Variants in FOXN3 observed in about 807,000 individuals in gnomAD.
FOXN3 encodes forkhead box N3.
A neutral mutation model predicts 38.4 loss-of-function variants in FOXN3; 7 were observed. That is an observed-to-expected ratio of 0.18 (90% CI 0.10 to 0.34). The LOEUF (loss-of-function observed/expected upper bound fraction) is 0.34, where lower values mean the gene tolerates loss of function less well. Ranked by LOEUF, FOXN3 falls within the 10% of genes least tolerant of loss-of-function variation. FOXN3 has a pLI of 1.00. For missense variants in FOXN3, 456 were observed against 613.4 expected, an observed-to-expected ratio of 0.74 and a Z score of 2.71; for synonymous variants, 230 against 242.2, an observed-to-expected ratio of 0.95 and a Z score of 0.47.
chr14:89,350,645 CA>C (rs758853790), intron 3 of FOXN3, 26 bp downstream of exon 3: 291 of 1,474,630 alleles, frequency 2.0e-4, no homozygotes, highest in South Asian at 7.1e-4. Context: ...TTCAGTAGAC[CA>C]AAAAAAAGAA....
chr14:89,374,332 G>A (rs1356762923), intron 2 of FOXN3, among the ~76,000 whole-genome samples: 2 of 142,722 alleles, frequency 1.4e-5, no homozygotes, highest in African/African-American at 5.1e-5. Context: ...AGAAAAGAAT[G>A]TGAACTAGTA....
chr14:89,338,709 C>T (rs551728506), intron 3 of FOXN3, among the ~76,000 whole-genome samples: 1 of 152,228 alleles, frequency 6.6e-6, no homozygotes, highest in Non-Finnish European at 1.5e-5. Context: ...AGAAGAATCA[C>T]TTGAACCTGG....
At chr14:89,224,808 G>A (rs1436761010) in intron 4 of FOXN3, among the ~76,000 whole-genome samples, 1 of 152,098 alleles carries the variant, frequency 6.6e-6, no homozygotes, top group African/African-American at 2.4e-5. Context: ...AGACTAGCCT[G>A]GGTAACATAG....
chr14:89,375,471 A>G (rs942304794), intron 2 of FOXN3, among the ~76,000 whole-genome samples: 28 of 152,242 alleles, frequency 1.8e-4, no homozygotes, highest in Non-Finnish European at 1.5e-5. Context: ...ACATCCATAT[A>G]CTACAGATGA....
At chr14:89,363,753 C>T (rs1196657708) in intron 2 of FOXN3, among the ~76,000 whole-genome samples, 1 of 151,998 alleles carries the variant, frequency 6.6e-6, no homozygotes, top group East Asian at 1.9e-4. Flanking sequence ...CCAAGTTATT[C>T]ACCATGAACT....
chr14:89,372,736 C>A (rs1890359088), intron 2 of FOXN3, among the ~76,000 whole-genome samples: 1 of 150,594 alleles, frequency 6.6e-6, no homozygotes, highest in Non-Finnish European at 1.5e-5. Flanking sequence ...AAAAAAAAAT[C>A]TCCAGCAAAC....
chr14:89,231,673 C>T (rs778489591), intron 4 of FOXN3, among the ~76,000 whole-genome samples: 2 of 152,050 alleles, frequency 1.3e-5, no homozygotes, highest in Non-Finnish European at 1.5e-5. Flanking sequence ...ACAGAACCTT[C>T]GCATCTGGAG....
At chr14:89,418,047 G>A (rs1454148681), upstream of FOXN3, among the ~76,000 whole-genome samples, 1 of 152,184 alleles carries the variant, frequency 6.6e-6, no homozygotes, top group Non-Finnish European at 1.5e-5. Context: ...AAGTCTCTAG[G>A]CACCTCCAAA....
intron 1 of FOXN3, among the ~76,000 whole-genome samples, chr14:89,499,196 G>A (rs1466691245): frequency 1.3e-5 from 2 of 152,046 alleles, no homozygotes; most frequent in Non-Finnish European, 2.9e-5. Context: ...TTCTCACTGT[G>A]CAAAGTGGCC....
At chr14:89,320,296 C>T (rs563558283) in intron 3 of FOXN3, among the ~76,000 whole-genome samples, 4 of 152,288 alleles carry the variant, frequency 2.6e-5, no homozygotes, top group East Asian at 1.9e-4. Context: ...ATTCATTCAG[C>T]GTATTCTATC....
chr14:89,505,674 T>C (rs948275004), intron 1 of FOXN3, among the ~76,000 whole-genome samples: 60 of 152,162 alleles, frequency 3.9e-4, no homozygotes, highest in African/African-American at 1.4e-3. Context: ...GTGCCGAGAT[T>C]GCAGCCTCTG....
intron 1 of FOXN3, among the ~76,000 whole-genome samples, chr14:89,432,429 T>C (rs541257773): frequency 1.3e-5 from 2 of 152,316 alleles, no homozygotes; most frequent in South Asian, 4.1e-4. Flanking sequence ...CAAAGGATTA[T>C]AAAACATGCA....
At chr14:89,435,148 G>A (rs1411473038) in intron 1 of FOXN3, among the ~76,000 whole-genome samples, 2 of 152,134 alleles carry the variant, frequency 1.3e-5, no homozygotes, top group East Asian at 1.9e-4. Flanking sequence ...TTGGGAGGCT[G>A]CGGAGGGGAG....
chr14:89,258,525 G>A (rs1179487885), intron 4 of FOXN3, among the ~76,000 whole-genome samples: 2 of 152,174 alleles, frequency 1.3e-5, no homozygotes, highest in Admixed American at 6.5e-5. Flanking sequence ...AACAGGCCAG[G>A]TTAATAAATA....
At chr14:89,227,492 G>C (rs1056253387) in intron 4 of FOXN3, among the ~76,000 whole-genome samples, 2 of 152,170 alleles carry the variant, frequency 1.3e-5, no homozygotes, top group African/African-American at 4.8e-5. Context: ...CCTGTGGATG[G>C]AATATAATAG....
At chr14:89,207,413 T>C (rs1361193502) in intron 4 of FOXN3, among the ~76,000 whole-genome samples, 5 of 152,272 alleles carry the variant, frequency 3.3e-5, no homozygotes, top group South Asian at 2.1e-4. Flanking sequence ...ACTAAGGAAC[T>C]GTTAACACTA....
At chr14:89,390,170 G>A (rs1050559340) in intron 2 of FOXN3, among the ~76,000 whole-genome samples, 27 of 150,840 alleles carry the variant, frequency 1.8e-4, no homozygotes, top group Non-Finnish European at 3.4e-4. Context: ...AGGCTGCTGT[G>A]AGCCAAGGTC....
chr14:89,259,673 C>G (rs745393546), intron 4 of FOXN3, among the ~76,000 whole-genome samples: 86 of 152,252 alleles, frequency 5.6e-4, no homozygotes, highest in Non-Finnish European at 1.1e-3. Context: ...TAAATATAGT[C>G]ATTGACATAC....
At chr14:89,210,267 T>C (rs1004988894) in intron 4 of FOXN3, among the ~76,000 whole-genome samples, 4 of 152,186 alleles carry the variant, frequency 2.6e-5, no homozygotes, top group African/African-American at 9.7e-5. Context: ...CAAGATCTGG[T>C]TGTTTAAATG....
Sources: gnomAD v4.1 joint callset for allele counts (sites outside exome capture counted in the v4.1 genomes callset) on GRCh38, gnomAD v4.1.1 for gene constraint, MANE v1.5 for transcripts, NCBI Gene and HGNC (gene_info 2026-07-23, HGNC 2026-07-21) for gene names.